The following BIRC6 variants were observed in gnomAD, a reference collection of about 807,000 sequenced individuals.
BIRC6 encodes the protein dual E2 ubiquitin-conjugating enzyme/E3 ubiquitin-protein ligase BIRC6.
Under a neutral mutation model 503.3 loss-of-function variants are expected in BIRC6, and 98 were observed. The ratio of observed to expected loss-of-function variants is 0.19; its 90% CI spans 0.17 to 0.23. BIRC6 has a LOEUF of 0.23. Among genes scored for constraint, BIRC6 ranks in the 10% least tolerant of loss-of-function variants. BIRC6 has a pLI of 1.00. For missense variants in BIRC6, 5,360 were observed against 5,806.0 expected, an observed-to-expected ratio of 0.92 and a Z score of 2.50; for synonymous variants, 2,240 against 2,078.7, an observed-to-expected ratio of 1.08 and a Z score of -2.11.
chr2:32,552,916 A>G (rs1180366586), intron 65 of BIRC6, among the ~76,000 whole-genome samples: 2 of 150,076 alleles, frequency 1.3e-5, no homozygotes, highest in African/African-American at 2.4e-5. Flanking sequence ...TTATATGCTT[A>G]TATTAAGCTG....
At chr2:32,502,493 A>G (rs111870323) in intron 47 of BIRC6, among the ~76,000 whole-genome samples, 4 of 152,288 alleles carry the variant, frequency 2.6e-5, no homozygotes, top group African/African-American at 9.6e-5. Context: ...ATATTTCTCT[A>G]TTAGAAAATA....
At chr2:32,540,648 G>A (rs772291598) in intron 61 of BIRC6, among the ~76,000 whole-genome samples, 3 of 152,008 alleles carry the variant, frequency 2.0e-5, no homozygotes, top group African/African-American at 7.2e-5. Flanking sequence ...TGTTTGAATC[G>A]TTATACTTGT....
At position 32,447,327 on chromosome 2, in the gene BIRC6, G is replaced by A. The variant is rs1274539895; in HGVS notation, c.4485-1468G>A. The stretch of plus-strand genomic sequence containing the variant: ...GGGCTCCTCACTTCCCAGTAGGGGC[G>A]GCCGGGCAGAAGCGCCCCTCACCTC... On this transcript the variant is annotated intron_variant, in intron 21 of 73. Transcript: ENST00000421745. Among the ~76,000 whole-genome samples, 6 of 150,894 alleles carry A rather than the reference G, an allele frequency of 4.0e-5. No homozygotes were observed. In the South Asian group the frequency reaches 1.3e-3, roughly 32 times the overall value.
At chr2:32,484,485 A>T (rs1193892265) in intron 39 of BIRC6, among the ~76,000 whole-genome samples, 6 of 149,022 alleles carry the variant, frequency 4.0e-5, no homozygotes, top group Non-Finnish European at 7.4e-5. Flanking sequence ...CCTGGGGCAG[A>T]GGTTGCAGTG....
chr2:32,578,976 C>T (rs1359953276), intron 66 of BIRC6, among the ~76,000 whole-genome samples: 4 of 27,876 alleles, frequency 1.4e-4, no homozygotes, highest in African/African-American at 5.2e-4. Flanking sequence ...TTTTTATATA[C>T]CTAATATATA....
At chr2:32,440,171 C>T (rs953640800) in intron 16 of BIRC6, among the ~76,000 whole-genome samples, 9 of 152,216 alleles carry the variant, frequency 5.9e-5, no homozygotes, top group Non-Finnish European at 1.2e-4. Flanking sequence ...AGCCACTGCA[C>T]CCAGCCTGAA....
Position 32,549,347 on chromosome 2 carries a change from C to T in BIRC6, c.13010C>T (p.Ala4337Val), listed in dbSNP as rs771556037. Reference protein sequence around the residue: ...LASYINPVSSAVNGEAQSSHE... With the variant: ...LASYINPVSSVVNGEAQSSHE... ...AGTTACATAAATCCCGTCAGTAGTG[C>T]GGTAAATGGAGAAGCTCAGTCATCT... Residue 4337 changes from alanine (A) to valine (V), a missense_variant, in exon 65 of 74, where the codon GCG becomes GTG. Physicochemically the swap from Ala to Val is moderately conservative, Grantham distance 64. Coordinates refer to ENST00000421745, the MANE Select transcript of BIRC6 (RefSeq NM_016252.4). The T allele has an allele frequency of 1.8e-5, 27 of 1,474,716 alleles. No homozygotes were observed. Among genetic ancestry groups the T allele is most frequent in the East Asian group, 7.1e-5 (3 of 42,172 alleles). 91.4% of individuals were successfully genotyped at this position (1,474,716 alleles called of 1,614,324 possible). A position where few individuals can be genotyped will look rare whatever the true frequency, so the allele number is the denominator to read the frequency against.
At chr2:32,461,343 A>AGTGTGT (rs373274536) in intron 23 of BIRC6, among the ~76,000 whole-genome samples, 3,350 of 132,088 alleles carry the variant, frequency 0.025, 83 homozygotes, top group African/African-American at 0.057. Context: ...ATGCCTGGCT[A>AGTGTGT]GTGTGTGTGT....
At chr2:32,482,851 C>T (rs1039374777) in intron 39 of BIRC6, among the ~76,000 whole-genome samples, 9 of 151,456 alleles carry the variant, frequency 5.9e-5, no homozygotes, top group African/African-American at 2.2e-4. Context: ...TAATTGTTGA[C>T]TTTAATAGTA....
At chr2:32,377,484 C>A in intron 1 of BIRC6, 104 bp from the exon 2 acceptor site, 6 of 870,654 alleles carry the variant, frequency 6.9e-6, no homozygotes, top group Admixed American at 4.1e-5. Context: ...AGTTTAAGAT[C>A]CAATTCAGGA....
chr2:32,565,791 T>G (rs1349040705), intron 65 of BIRC6: 1 of 152,232 alleles, frequency 6.6e-6, no homozygotes, highest in Non-Finnish European at 1.5e-5. Flanking sequence ...ATGTCCTTCT[T>G]CACATGGCAG....
At chr2:32,522,306 G>A (rs1477121317) in intron 57 of BIRC6, 4 of 151,460 alleles carry the variant, frequency 2.6e-5, no homozygotes, top group Non-Finnish European at 4.4e-5. Context: ...TTACTTTTTG[G>A]GGTGCTGAAT....
intron 11 of BIRC6, among the ~76,000 whole-genome samples, chr2:32,430,450 G>A (rs2043967789): frequency 6.6e-6 from 1 of 152,128 alleles, no homozygotes; most frequent in African/African-American, 2.4e-5. Context: ...CATATGTTAT[G>A]TACTTGCTTG....
intron 22 of BIRC6, among the ~76,000 whole-genome samples, chr2:32,449,446 A>G (rs1558758127): frequency 6.6e-6 from 1 of 152,194 alleles, no homozygotes; most frequent in Non-Finnish European, 1.5e-5. Context: ...TTTCGGATGT[A>G]TGCATGACAC....
chr2:32,489,991 A>G (rs533751836), intron 42 of BIRC6, 50 bp from the exon 43 acceptor site: 6 of 1,299,658 alleles, frequency 4.6e-6, no homozygotes, highest in Admixed American at 1.7e-5. Flanking sequence ...TTAGTTCTTC[A>G]TAAACATTGT....
intron 1 of BIRC6, among the ~76,000 whole-genome samples, chr2:32,370,393 G>T (rs954941867): frequency 6.6e-6 from 1 of 152,078 alleles, no homozygotes; most frequent in Non-Finnish European, 1.5e-5. Context: ...CAGTAATTTT[G>T]TATCTTTTGG....
intron 65 of BIRC6, among the ~76,000 whole-genome samples, chr2:32,556,664 A>C (rs766041648): frequency 6.6e-6 from 1 of 151,994 alleles, no homozygotes. Context: ...AAAAAGTCCT[A>C]CAGGCCAGGC....
At chr2:32,509,307 T>C (rs2054142280) in intron 51 of BIRC6, among the ~76,000 whole-genome samples, 1 of 152,110 alleles carries the variant, frequency 6.6e-6, no homozygotes, top group Non-Finnish European at 1.5e-5. Flanking sequence ...CAGGATGGAG[T>C]GCAGTGGTGC....
At chr2:32,551,516 A>G (rs1409980755) in intron 65 of BIRC6, among the ~76,000 whole-genome samples, 2 of 152,112 alleles carry the variant, frequency 1.3e-5, no homozygotes, top group African/African-American at 4.8e-5. Flanking sequence ...TCCTGGCCCC[A>G]TGTGATCTGC....
Sources: allele counts gnomAD v4.1 joint callset (sites outside exome capture counted in the v4.1 genomes callset), GRCh38; gene constraint gnomAD v4.1.1; transcripts MANE v1.5; gene names NCBI Gene and HGNC (gene_info 2026-07-23, HGNC 2026-07-21).